Variants in ZFAND3 observed in about 807,000 individuals in gnomAD.
ZFAND3 encodes zinc finger AN1-type containing 3.
ZFAND3 carries 10 observed loss-of-function variants against 29.6 expected under a neutral mutation model. The observed-to-expected ratio is 0.34, with a 90% CI of 0.21 to 0.57. The LOEUF (loss-of-function observed/expected upper bound fraction) is 0.57, where lower values mean the gene tolerates loss of function less well. Among genes scored for constraint, ZFAND3 ranks in the 20% least tolerant of loss-of-function variants. The pLI, the probability that ZFAND3 is intolerant of heterozygous loss-of-function variation, is 0.86. For synonymous variants in ZFAND3, 128 were observed against 112.6 expected (o/e 1.14, Z -0.87); for missense variants, 230 against 304.5 (o/e 0.76, Z 1.82).
rs201221256 is a variant in ZFAND3 at position 38,094,329 on chromosome 6, G to GAA, written c.361+11882_361+11883dup. Among the ~76,000 whole-genome samples, 4 of 138,124 alleles carry GAA rather than the reference G, an allele frequency of 2.9e-5. No individual in the cohort carries two copies. In the East Asian group the frequency reaches 6.1e-4, roughly 21 times the overall value. The allele number at this position is 138,124 out of a possible 152,430, so 90.6% of individuals were successfully genotyped here. A position where few individuals can be genotyped will look rare whatever the true frequency, so the allele number is the denominator to read the frequency against. ...CATGGGTACTGCATTTAATCCAGAA[G>GAA]AAAAAAAAAAAGCAAAGGGGAACAA... On this transcript the variant is annotated intron_variant, in intron 4 of 5. Transcript: ENST00000287218.
chr6:38,066,479 A>G (rs555750625), intron 3 of ZFAND3, among the ~76,000 whole-genome samples: 1 of 152,354 alleles, frequency 6.6e-6, no homozygotes, highest in South Asian at 2.1e-4. Context: ...GAGAAGTAAG[A>G]TGTAGCAGTT....
At chr6:37,913,155 A>G (rs1276132957) in intron 1 of ZFAND3, among the ~76,000 whole-genome samples, 6 of 152,176 alleles carry the variant, frequency 3.9e-5, no homozygotes, top group Non-Finnish European at 5.9e-5. Context: ...GCAGTTTCCT[A>G]AAATAAGACA....
chr6:37,971,765 G>A (rs1762390933), intron 2 of ZFAND3, among the ~76,000 whole-genome samples: 1 of 150,570 alleles, frequency 6.6e-6, no homozygotes, highest in Non-Finnish European at 1.5e-5. Flanking sequence ...AAAGCGGGAG[G>A]ATTGCTTGAG....
chr6:37,987,577 C>G (rs186644438), intron 2 of ZFAND3, among the ~76,000 whole-genome samples: 2 of 152,312 alleles, frequency 1.3e-5, no homozygotes, highest in African/African-American at 4.8e-5. Context: ...AATGGTTGTT[C>G]CAACTCACCT....
chr6:38,071,373 A>C (rs938560335), intron 3 of ZFAND3, among the ~76,000 whole-genome samples: 1 of 152,132 alleles, frequency 6.6e-6, no homozygotes, highest in East Asian at 1.9e-4. Flanking sequence ...TCTTGAGCCC[A>C]TCTGGAATTT....
chr6:37,967,142 A>G (rs900826034), intron 2 of ZFAND3, among the ~76,000 whole-genome samples: 1 of 152,174 alleles, frequency 6.6e-6, no homozygotes, highest in African/African-American at 2.4e-5. Context: ...TAATTAATAA[A>G]TGTTTTGTGG....
chr6:37,995,195 T>G (rs1031271473), intron 2 of ZFAND3, among the ~76,000 whole-genome samples: 1 of 152,222 alleles, frequency 6.6e-6, no homozygotes, highest in Non-Finnish European at 1.5e-5. Context: ...ACCCCATGTT[T>G]TTTTCTTCTT....
At chr6:38,139,179 T>C (rs1460083286) in intron 5 of ZFAND3, among the ~76,000 whole-genome samples, 1 of 152,146 alleles carries the variant, frequency 6.6e-6, no homozygotes, top group Non-Finnish European at 1.5e-5. Context: ...GATATTGGAT[T>C]TCGCCCCTTG....
At chr6:38,018,525 C>G (rs1443987105) in intron 2 of ZFAND3, among the ~76,000 whole-genome samples, 1 of 152,096 alleles carries the variant, frequency 6.6e-6, no homozygotes. Flanking sequence ...GATCCCCATC[C>G]ACACATTTAT....
chr6:37,915,031 C>T lies in ZFAND3; in HGVS notation c.72-14928C>T, dbSNP rs144791100. ...ATTGAGAATCTGTTGTTTAGTGTAG[C>T]TACCTTCATTTTAGCTAGATCTTTT... On this transcript the variant is annotated intron_variant, in intron 1 of 5. Transcript: ENST00000287218. 5.3e-5 allele frequency among the ~76,000 whole-genome samples: 8 copies of T among 151,916 alleles called. No individual in the cohort carries two copies. In the East Asian group the frequency reaches 1.5e-3, roughly 29 times the overall value.
intron 2 of ZFAND3, among the ~76,000 whole-genome samples, chr6:37,931,481 G>A (rs1348167462): frequency 6.6e-6 from 1 of 151,266 alleles, no homozygotes; most frequent in Middle Eastern, 3.4e-3. Context: ...GGAGGCAGAG[G>A]TGCAGTGAGC....
chr6:38,057,865 G>C (rs1764160656), intron 2 of ZFAND3, among the ~76,000 whole-genome samples: 1 of 152,188 alleles, frequency 6.6e-6, no homozygotes, highest in African/African-American at 2.4e-5. Flanking sequence ...TTCAAGTAGA[G>C]AATATATAGA....
intron 2 of ZFAND3, among the ~76,000 whole-genome samples, chr6:37,969,680 G>A (rs150351825): frequency 6.6e-6 from 1 of 152,292 alleles, no homozygotes; most frequent in East Asian, 1.9e-4. Context: ...AGTGGTCAGA[G>A]TAGTGAGTTA....
intron 1 of ZFAND3, among the ~76,000 whole-genome samples, chr6:37,913,727 T>TTTTTTG (rs1761172944): frequency 6.7e-6 from 1 of 148,878 alleles, no homozygotes; most frequent in African/African-American, 2.5e-5. Context: ...TTTTTTTTTT[T>TTTTTTG]GAGACAGAGT....
chr6:37,873,517 A>G (rs529471522), intron 1 of ZFAND3, among the ~76,000 whole-genome samples: 1 of 151,720 alleles, frequency 6.6e-6, no homozygotes, highest in East Asian at 1.9e-4. Context: ...TATTTTATAT[A>G]GTTTTATCCG....
intron 1 of ZFAND3, among the ~76,000 whole-genome samples, chr6:37,912,527 C>T (rs1765541862): frequency 6.6e-6 from 1 of 152,078 alleles, no homozygotes; most frequent in Non-Finnish European, 1.5e-5. Context: ...TCCCAAAGTG[C>T]TGAGAAAAAC....
intron 5 of ZFAND3, among the ~76,000 whole-genome samples, chr6:38,148,986 G>A (rs1008301740): frequency 1.3e-5 from 2 of 152,182 alleles, no homozygotes; most frequent in Admixed American, 1.3e-4. Flanking sequence ...GTGAATTACA[G>A]TGCCATATAT....
intron 5 of ZFAND3, among the ~76,000 whole-genome samples, chr6:38,124,492 G>T (rs978048990): frequency 3.3e-5 from 5 of 152,202 alleles, no homozygotes; most frequent in Non-Finnish European, 7.4e-5. Context: ...CCGGGAGGCA[G>T]CTAAAGCCCG....
chr6:37,997,885 G>T (rs1197485907), intron 2 of ZFAND3, among the ~76,000 whole-genome samples: 3 of 152,324 alleles, frequency 2.0e-5, no homozygotes, highest in Middle Eastern at 3.4e-3. Context: ...CACCAGTTTG[G>T]TGGGAAGAGA....
Sources: allele counts gnomAD v4.1 joint callset (sites outside exome capture counted in the v4.1 genomes callset), GRCh38; gene constraint gnomAD v4.1.1; transcripts MANE v1.5; gene names NCBI Gene and HGNC (gene_info 2026-07-23, HGNC 2026-07-21).